The following MEGF6 variants were observed in gnomAD, a reference collection of about 807,000 sequenced individuals.
MEGF6 encodes multiple EGF like domains 6, also known as multiple epidermal growth factor-like domains protein 6.
MEGF6 carries 184 observed loss-of-function variants against 207.1 expected under a neutral mutation model. The ratio of observed to expected loss-of-function variants is 0.89; its 90% confidence interval spans 0.79 to 1.00. The LOEUF (loss-of-function observed/expected upper bound fraction) is 1.00. Among genes scored for constraint, MEGF6 ranks in the 50% least tolerant of loss-of-function variants. The pLI is 0.00. For synonymous variants in MEGF6, 1,038 were observed against 910.0 expected, an observed-to-expected ratio of 1.14 and a Z score of -2.53; for missense variants, 2,282 against 2,202.9, an observed-to-expected ratio of 1.04 and a Z score of -0.72.
chr1:3,503,695 ATGTATGTG>A (rs1000004876), intron 17 of MEGF6, among the ~76,000 whole-genome samples: 34 of 137,756 alleles, frequency 2.5e-4, no homozygotes, highest in Non-Finnish European at 4.4e-4. Flanking sequence ...CAGTGTGTGC[ATGTATGTG>A]TGTATGTGTG....
At position 3,507,738 on chromosome 1, in the gene MEGF6, C is replaced by A. The variant is rs1267270119; in HGVS notation, c.1789+57G>T. The stretch of plus-strand genomic sequence containing the variant: ...GGAGGACGTGGAGGGGTGGTGTCTC[C>A]CACTTCCCTTACAGCCCAGGGGTAA... On this transcript the variant is annotated intron_variant, in intron 14 of 36. Coordinates refer to ENST00000356575, the MANE Select transcript of MEGF6 (RefSeq NM_001409.4). The A allele has an allele frequency of 6.8e-6, 11 of 1,610,416 alleles. No homozygotes were observed. In the East Asian group the frequency reaches 1.8e-4, roughly 26 times the overall value.
rs773151742 is a variant in MEGF6, at chr1:3,595,328, C to T, written c.376+10G>A. 37 of 1,600,250 alleles carry T rather than the reference C, an allele frequency of 2.3e-5. No homozygotes were observed. The highest frequency in any genetic ancestry group is 1.7e-4 in the African/African-American group (13 of 74,646). The stretch of plus-strand genomic sequence containing the variant: ...TGGAGGGAGGGCGGGGAGGCGCAGG[C>T]GGCACTCACCCGAGAGGCAGCCCTC... On this transcript the variant is annotated intron_variant, in intron 3 of 36. Transcript: ENST00000356575.
In MEGF6 at chr1:3,498,684, C is replaced by T. The variant is rs767764504; in HGVS notation, c.3223+14G>A. 13 of 1,549,176 alleles carry T rather than the reference C, an allele frequency of 8.4e-6. No individual in the cohort carries two copies. The highest frequency in any genetic ancestry group is 5.8e-5 in the South Asian group (5 of 85,534). Reference sequence around the variant, plus strand: ...ATGCTGGGGTATGTCCCTCCTCTGCCGCCCAGCGCTCACCCTTCTCACAGG... The same window carrying T: ...ATGCTGGGGTATGTCCCTCCTCTGCTGCCCAGCGCTCACCCTTCTCACAGG... On this transcript the variant is annotated intron_variant, in intron 25 of 36. Coordinates refer to ENST00000356575, the MANE Select transcript of MEGF6 (RefSeq NM_001409.4).
intron 5 of MEGF6, among the ~76,000 whole-genome samples, chr1:3,520,207 C>A (rs1362060850): frequency 6.6e-6 from 1 of 152,234 alleles, no homozygotes; most frequent in Non-Finnish European, 1.5e-5. Context: ...CATGAGGGAA[C>A]AGCCATGTCC....
chr1:3,621,826 AAGG>A, the MEGF6 span, among the ~76,000 whole-genome samples: 1 of 152,214 alleles, frequency 6.6e-6, no homozygotes, highest in East Asian at 1.9e-4. Flanking sequence ...CATGCAGTCA[AAGG>A]AGATTATTTT....
chr1:3,576,140 G>A (rs1163794206), intron 4 of MEGF6, among the ~76,000 whole-genome samples: 1 of 152,256 alleles, frequency 6.6e-6, no homozygotes, highest in East Asian at 1.9e-4. Context: ...GCCTGCACTG[G>A]GCCGGGGAAG....
rs1260313529 is a variant in MEGF6 at position 3,515,057 on chromosome 1, A to G, written c.730+345T>C. On this transcript the variant is annotated intron_variant, in intron 6 of 36. Coordinates refer to ENST00000356575, the MANE Select transcript of MEGF6 (RefSeq NM_001409.4). ...GGGGCATTCTCTCAGCACCTGCCCC[A>G]CCCACAGCCCCCATTTCCATATTCT... is the stretch of plus-strand genomic sequence containing the variant. Among the ~76,000 whole-genome samples the G allele has an allele frequency of 3.9e-5, 6 of 151,928 alleles. No individual in the cohort carries two copies. In the East Asian group the frequency reaches 1.2e-3, roughly 29 times the overall value.
chr1:3,563,717 T>C (rs1402029651), intron 4 of MEGF6, among the ~76,000 whole-genome samples: 1 of 152,202 alleles, frequency 6.6e-6, no homozygotes, highest in Admixed American at 6.5e-5. Context: ...GAGGCTGATG[T>C]TCAGGTTGTT....
At chr1:3,558,191 G>A (rs1643091473) in intron 4 of MEGF6, among the ~76,000 whole-genome samples, 3 of 152,194 alleles carry the variant, frequency 2.0e-5, no homozygotes, top group Admixed American at 1.3e-4. Context: ...GGAACTGCCT[G>A]ACCAGCTTTT....
At position 3,509,486 on chromosome 1, in the gene MEGF6, G is replaced by A. The variant is rs75575585; in HGVS notation, c.1358-241C>T. Among the ~76,000 whole-genome samples the A allele has an allele frequency of 3.5e-4, 53 of 152,308 alleles. 3 individuals carry two copies. The East Asian group carries it at 0.01, about 29-fold the overall frequency. On this transcript the variant is annotated intron_variant, in intron 11 of 36. Transcript: ENST00000356575. ...CCTGAACCCGGCCCCTCTGCCCCCAGCCTCATCCCAACTCTAGGGACTCTG... is the reference window on the plus strand; with the variant it reads ...CCTGAACCCGGCCCCTCTGCCCCCAACCTCATCCCAACTCTAGGGACTCTG...
rs377488176 is a variant in MEGF6 at position 3,506,122 on chromosome 1, C to G, written c.1904G>C (p.Arg635Pro). Residue 635 changes from arginine to proline, a missense_variant, in exon 15 of 37, where the codon CGC becomes CCC. Arg to Pro is a moderately radical substitution (Grantham distance 103). Coordinates refer to ENST00000356575, the MANE Select transcript of MEGF6 (RefSeq NM_001409.4). ...GTGAGACTCACTGAGGTGGCAGAAG[C>G]GGCCGTAGAGCCCTGGGTCGCAGAG... Reference protein sequence around the residue: ...ACLCDPGLYGRFCHLTCPPWA... With the variant: ...ACLCDPGLYGPFCHLTCPPWA... 1.3e-6 allele frequency: 2 copies of G among 1,593,772 alleles called. No homozygotes were observed. Among genetic ancestry groups the G allele is most frequent in the Non-Finnish European group, 1.7e-6 (2 of 1,170,698 alleles).
chr1:3,624,095 C>G, the MEGF6 span, among the ~76,000 whole-genome samples: 3 of 152,210 alleles, frequency 2.0e-5, no homozygotes, highest in Admixed American at 2.0e-4. Context: ...TCATTCTCCC[C>G]CCATCTCACT....
At chr1:3,526,222 C>A (rs562985895) in intron 4 of MEGF6, among the ~76,000 whole-genome samples, 1 of 152,264 alleles carries the variant, frequency 6.6e-6, no homozygotes, top group African/African-American at 2.4e-5. Context: ...AGTGCCCCGG[C>A]CAGAGAGGCC....
At chr1:3,604,444 T>C (rs1204615402) in intron 1 of MEGF6, among the ~76,000 whole-genome samples, 1 of 152,102 alleles carries the variant, frequency 6.6e-6, no homozygotes, top group African/African-American at 2.4e-5. Flanking sequence ...TCCGCAGCAA[T>C]GGGGACCCTC....
At chr1:3,535,775 G>A (rs879497694) in intron 4 of MEGF6, among the ~76,000 whole-genome samples, 3 of 152,206 alleles carry the variant, frequency 2.0e-5, no homozygotes, top group Non-Finnish European at 4.4e-5. Flanking sequence ...GGTCATGCAG[G>A]GAAGAGAAGT....
Position 3,493,870 on chromosome 1 carries a change from A to G in MEGF6, c.4288T>C (p.Cys1430Arg). 1 of 1,595,078 alleles carries G rather than the reference A, an allele frequency of 6.3e-7. No homozygotes were observed. The highest frequency in any genetic ancestry group is 8.5e-7 in the Non-Finnish European group (1 of 1,171,458). ...CCGTCACAGTCACAGCGCTGGTGGC[A>G]GCCCTCTCCAAATGAACCTGGCTCA... ...GCEPGSFGEG[C>R]HQRCDCDGGA... Residue 1430 changes from cysteine to arginine, a missense_variant, in exon 34 of 37, where the codon TGC becomes CGC. By Grantham distance (180) the Cys-to-Arg change is radical (BLOSUM62 -3). Coordinates refer to ENST00000356575, the MANE Select transcript of MEGF6 (RefSeq NM_001409.4).
chr1:3,490,755 G>T (rs1019399976), intron 36 of MEGF6, among the ~76,000 whole-genome samples, 157 bp downstream of exon 36: 1 of 152,080 alleles, frequency 6.6e-6, no homozygotes, highest in African/African-American at 2.4e-5. Context: ...CCCAGCTCTG[G>T]CCCCAGCCTT....
the MEGF6 span, among the ~76,000 whole-genome samples, chr1:3,620,166 T>A: frequency 6.6e-6 from 1 of 152,200 alleles, no homozygotes; most frequent in South Asian, 2.1e-4. Flanking sequence ...GTGAGCTGGC[T>A]TTTTCTGAAA....
chr1:3,542,241 G>A (rs1642552838), intron 4 of MEGF6, among the ~76,000 whole-genome samples: 1 of 152,384 alleles, frequency 6.6e-6, no homozygotes, highest in South Asian at 2.1e-4. Context: ...CGGCCCTGGA[G>A]GCCAAAGGCA....
Sources: allele counts gnomAD v4.1 joint callset (sites outside exome capture counted in the v4.1 genomes callset), GRCh38; gene constraint gnomAD v4.1.1; transcripts MANE v1.5; gene names NCBI Gene and HGNC (gene_info 2026-07-23, HGNC 2026-07-21).